The following LRP1B variants were observed in gnomAD, a reference collection of about 807,000 sequenced individuals.
LRP1B encodes low-density lipoprotein receptor-related protein 1B.
A neutral mutation model predicts 556.6 loss-of-function variants in LRP1B; 217 were observed. The ratio of observed to expected loss-of-function variants is 0.39; its 90% CI spans 0.35 to 0.44. The LOEUF is 0.44. LRP1B is among the 20% of genes least tolerant of loss of function. The pLI is 1.00. For synonymous variants in LRP1B, 2,047 were observed against 1,865.8 expected (o/e 1.10, Z -2.50); for missense variants, 5,053 against 5,620.8 (o/e 0.90, Z 3.23).
chr2:141,426,461 T>C (rs1680366643), intron 3 of LRP1B, among the ~76,000 whole-genome samples: 1 of 152,210 alleles, frequency 6.6e-6, no homozygotes, highest in African/African-American at 2.4e-5. Context: ...TTCTGAAGTA[T>C]ATGAAATAAT....
intron 2 of LRP1B, among the ~76,000 whole-genome samples, chr2:141,632,969 C>T (rs1688969811): frequency 6.6e-6 from 1 of 151,606 alleles, no homozygotes; most frequent in Non-Finnish European, 1.5e-5. Flanking sequence ...TATTAACTTC[C>T]AAATATGTTC....
chr2:141,099,842 A>G (rs559838521), intron 7 of LRP1B, among the ~76,000 whole-genome samples: 1 of 152,106 alleles, frequency 6.6e-6, no homozygotes, highest in South Asian at 2.1e-4. Context: ...TTTCAGGCCC[A>G]TTTGTATTTT....
At chr2:140,849,913 T>C (rs890515041) in intron 29 of LRP1B, among the ~76,000 whole-genome samples, 189 bp downstream of exon 29, 5 of 152,044 alleles carry the variant, frequency 3.3e-5, no homozygotes, top group African/African-American at 1.2e-4. Flanking sequence ...ATTATCAGTC[T>C]GCTCTGTGCA....
chr2:140,877,913 T>C (rs772443595), intron 25 of LRP1B, among the ~76,000 whole-genome samples: 66 of 152,324 alleles, frequency 4.3e-4, no homozygotes, highest in Admixed American at 1.8e-3. Flanking sequence ...ACTTTCTAGA[T>C]TAACTGAGAC....
intron 2 of LRP1B, among the ~76,000 whole-genome samples, chr2:141,754,332 T>C (rs1017064110): frequency 6.6e-6 from 1 of 152,148 alleles, no homozygotes; most frequent in Non-Finnish European, 1.5e-5. Context: ...GGTGAGCAAG[T>C]TACTCACTTT....
At chr2:141,545,486 C>T (rs1685518187) in intron 2 of LRP1B, among the ~76,000 whole-genome samples, 1 of 152,054 alleles carries the variant, frequency 6.6e-6, no homozygotes, top group African/African-American at 2.4e-5. Context: ...AAGCTAAGAA[C>T]CTTGAGATGA....
At chr2:141,555,370 C>A (rs1685924206) in intron 2 of LRP1B, among the ~76,000 whole-genome samples, 1 of 151,780 alleles carries the variant, frequency 6.6e-6, no homozygotes, top group Admixed American at 6.6e-5. Flanking sequence ...AAAAATAAAA[C>A]AATTTTTAAA....
chr2:141,086,794 C>G (rs1700058160), intron 7 of LRP1B, among the ~76,000 whole-genome samples: 1 of 152,136 alleles, frequency 6.6e-6, no homozygotes, highest in Admixed American at 6.5e-5. Flanking sequence ...TCCATCTCTT[C>G]ATGCACAGAC....
At chr2:141,717,330 G>A (rs1286509353) in intron 2 of LRP1B, among the ~76,000 whole-genome samples, 2 of 152,142 alleles carry the variant, frequency 1.3e-5, no homozygotes, top group African/African-American at 4.8e-5. Context: ...CTGCATGATT[G>A]CTATTATGTC....
At chr2:140,294,343 C>A (rs1032931576) in intron 84 of LRP1B, among the ~76,000 whole-genome samples, 2 of 152,104 alleles carry the variant, frequency 1.3e-5, no homozygotes, top group Non-Finnish European at 2.9e-5. Flanking sequence ...CTTTTGTTAA[C>A]ATTTATTCAA....
At chr2:141,778,035 C>T (rs928024515) in intron 2 of LRP1B, among the ~76,000 whole-genome samples, 12 of 152,056 alleles carry the variant, frequency 7.9e-5, no homozygotes, top group African/African-American at 2.7e-4. Flanking sequence ...AAGCTGAATA[C>T]AAATCAGTTG....
intron 77 of LRP1B, among the ~76,000 whole-genome samples, chr2:140,343,197 T>G (rs754805016): frequency 1.3e-5 from 2 of 151,536 alleles, no homozygotes; most frequent in African/African-American, 2.4e-5. Flanking sequence ...AACTTCACAG[T>G]ATAGAAAATA....
intron 20 of LRP1B, among the ~76,000 whole-genome samples, chr2:140,927,483 T>A (rs1471987513): frequency 1.3e-5 from 2 of 152,130 alleles, no homozygotes; most frequent in East Asian, 3.9e-4. Flanking sequence ...GTTTTTCTCA[T>A]ATAAAAACTC....
rs551799100 is a variant in LRP1B, at chr2:141,443,206, T to C, written c.343+37190A>G. Among the ~76,000 whole-genome samples the C allele has an allele frequency of 7.9e-5, 12 of 152,318 alleles. No individual in the cohort carries two copies. The East Asian group carries it at 1.4e-3, about 17-fold the overall frequency. Reference sequence around the variant, plus strand: ...TGATGATGAGCTTTTTTTCATATGTTTGTTGGCTGCATAAATGTCTTCTTT... The same window carrying C: ...TGATGATGAGCTTTTTTTCATATGTCTGTTGGCTGCATAAATGTCTTCTTT... On this transcript the variant is annotated intron_variant, in intron 3 of 90. Transcript: ENST00000389484.
Position 142,109,080 on chromosome 2 carries a change from G to A in LRP1B, c.82+21568C>T, listed in dbSNP as rs185008277. The stretch of plus-strand genomic sequence containing the variant: ...TTATGCTTATCCAAGAACTTTTCTA[G>A]TGAGCCTAAAGTGGTGTCTTACTTG... On this transcript the variant is annotated intron_variant, in intron 1 of 90. Transcript: ENST00000389484. Among the ~76,000 whole-genome samples the A allele has an allele frequency of 3.0e-3, 460 of 152,274 alleles. 9 individuals carry two copies. Among genetic ancestry groups the A allele is most frequent in the Admixed American group, 0.026 (403 of 15,282 alleles).
At chr2:141,355,579 G>T (rs1035499618) in intron 3 of LRP1B, among the ~76,000 whole-genome samples, 6 of 152,090 alleles carry the variant, frequency 3.9e-5, no homozygotes, top group African/African-American at 1.4e-4. Context: ...ATGCTTCATG[G>T]ATGAATGTTA....
At position 142,108,590 on chromosome 2, in the gene LRP1B, T is replaced by C. The variant is rs144483065; in HGVS notation, c.82+22058A>G. On this transcript the variant is annotated intron_variant, in intron 1 of 90. Coordinates refer to ENST00000389484, the MANE Select transcript of LRP1B (RefSeq NM_018557.3). ...GCACTATTGTTCTAATATCCTATATTTGCTTTCATGTGAAATATAGGCTTC... is the reference window on the plus strand; with the variant it reads ...GCACTATTGTTCTAATATCCTATATCTGCTTTCATGTGAAATATAGGCTTC... 3.0e-4 allele frequency among the ~76,000 whole-genome samples: 45 copies of C among 152,312 alleles called. 1 individual carries two copies. Among genetic ancestry groups the C allele is most frequent in the African/African-American group, 1.1e-3 (44 of 41,576 alleles).
At chr2:140,303,984 T>C (rs6727187) in intron 83 of LRP1B, among the ~76,000 whole-genome samples, 11,033 of 152,268 alleles carry the variant, frequency 0.072, 455 homozygotes, top group Middle Eastern at 0.14. Context: ...ACAAAAGAAA[T>C]GAACTCATCC....
intron 2 of LRP1B, among the ~76,000 whole-genome samples, chr2:141,673,948 C>A (rs928260699): frequency 6.6e-6 from 1 of 151,862 alleles, no homozygotes; most frequent in African/African-American, 2.4e-5. Context: ...CCCTTAATCC[C>A]TCCTCTAACT....
Sources: gnomAD v4.1 joint callset for allele counts (sites outside exome capture counted in the v4.1 genomes callset) on GRCh38, gnomAD v4.1.1 for gene constraint, MANE v1.5 for transcripts, NCBI Gene and HGNC (gene_info 2026-07-23, HGNC 2026-07-21) for gene names.